Variants in PVT1 observed in about 807,000 individuals in gnomAD.
PVT1 encodes Pvt1 oncogene, also known as CXCR4/PVT1 fusion.
At position 127,809,848 on chromosome 8, in the gene PVT1, C is replaced by T. The variant is rs140763840; in HGVS notation, n.372+13777C>T. 3.3e-3 allele frequency among the ~76,000 whole-genome samples: 500 copies of T among 152,316 alleles called. 1 individual carries two copies. Among genetic ancestry groups the T allele is most frequent in the Middle Eastern group, 0.017 (5 of 294 alleles). The stretch of plus-strand genomic sequence containing the variant: ...TGGGCCAGCAGCAGCATTGGGATCA[C>T]GTCAGCCAATCTTCGCACTTAGAGA... On this transcript the variant is annotated intron_variant and non_coding_transcript_variant, in intron 2 of 10. Coordinates refer to ENST00000651587, the Ensembl canonical transcript of PVT1.
chr8:128,062,171 G>A (rs1813839397), intron 4 of PVT1, among the ~76,000 whole-genome samples: 1 of 152,218 alleles, frequency 6.6e-6, no homozygotes, highest in African/African-American at 2.4e-5. Context: ...GGGGGCACTT[G>A]GAGGGCTGCC....
chr8:127,891,325 T>C (rs1178256448), intron 3 of PVT1, among the ~76,000 whole-genome samples: 2 of 152,186 alleles, frequency 1.3e-5, no homozygotes, highest in African/African-American at 4.8e-5. Context: ...AAAGGGTAAA[T>C]TAAGACAGGA....
intron 2 of PVT1, among the ~76,000 whole-genome samples, chr8:127,839,308 A>G (rs1439371122): frequency 6.6e-6 from 1 of 152,006 alleles, no homozygotes; most frequent in Non-Finnish European, 1.5e-5. Context: ...GCACTTTGGG[A>G]GTCCAAGGGG....
At chr8:128,079,099 T>G (rs1227483155) in intron 5 of PVT1, among the ~76,000 whole-genome samples, 2 of 152,100 alleles carry the variant, frequency 1.3e-5, no homozygotes, top group East Asian at 1.9e-4. Flanking sequence ...CACTTTATTC[T>G]GTAACCTTTT....
chr8:127,957,566 C>CAAAAAA (rs56796489), intron 3 of PVT1, among the ~76,000 whole-genome samples: 47 of 90,992 alleles, frequency 5.2e-4, no homozygotes, highest in Non-Finnish European at 6.7e-4. Flanking sequence ...GACTCCGTCT[C>CAAAAAA]AAAAAAAAAA....
intron 2 of PVT1, among the ~76,000 whole-genome samples, chr8:127,856,475 G>T (rs1345671532): frequency 6.6e-6 from 1 of 151,724 alleles, no homozygotes; most frequent in Non-Finnish European, 1.5e-5. Flanking sequence ...CCAAGTAGCT[G>T]GGATTACAGG....
intron 4 of PVT1, among the ~76,000 whole-genome samples, chr8:128,065,854 A>G (rs977572818): frequency 2.0e-5 from 3 of 152,230 alleles, no homozygotes; most frequent in African/African-American, 4.8e-5. Flanking sequence ...TGCCCTGTGG[A>G]ACCTTTCGTT....
At position 128,038,997 on chromosome 8, in the gene PVT1, G is replaced by A. The variant is rs368650177; in HGVS notation, n.913-31163G>A. Among the ~76,000 whole-genome samples, 35 of 152,304 alleles carry A rather than the reference G, an allele frequency of 2.3e-4. No individual in the cohort carries two copies. The South Asian group carries it at 7.0e-3, about 31-fold the overall frequency. On this transcript the variant is annotated intron_variant and non_coding_transcript_variant, in intron 4 of 10. Coordinates refer to ENST00000651587, the Ensembl canonical transcript of PVT1. ...TGTGCTCAGGTACTGTCTGAGGGAG[G>A]GAAGGGAGGCAGAAGGAAGGGGAGG...
rs1394134359 is a variant in PVT1 at position 127,973,016 on chromosome 8, C to T, written n.783-16146C>T. On this transcript the variant is annotated intron_variant and non_coding_transcript_variant, in intron 3 of 10. Transcript: ENST00000651587. ...AACTACTGGCTTCAAGCAATCCTCC[C>T]GAGTAGCTAGGACTACAGGTTCATG... Among the ~76,000 whole-genome samples, 6 of 152,250 alleles carry T rather than the reference C, an allele frequency of 3.9e-5. No individual in the cohort carries two copies. The East Asian group carries it at 5.8e-4, about 15-fold the overall frequency.
intron 2 of PVT1, among the ~76,000 whole-genome samples, chr8:127,886,918 A>G (rs569215855): frequency 6.6e-6 from 1 of 152,324 alleles, no homozygotes; most frequent in South Asian, 2.1e-4. Context: ...GATACTTGGT[A>G]AGGACTGATT....
At chr8:128,004,067 A>G (rs1817217901) in intron 4 of PVT1, among the ~76,000 whole-genome samples, 1 of 152,174 alleles carries the variant, frequency 6.6e-6, no homozygotes. Flanking sequence ...CTTTCAGATT[A>G]GGACTTCACC....
chr8:127,981,306 G>A (rs979348448), intron 3 of PVT1, among the ~76,000 whole-genome samples: 1 of 152,216 alleles, frequency 6.6e-6, no homozygotes, highest in African/African-American at 2.4e-5. Context: ...TACCCAAAGA[G>A]CTTGGAGAGA....
At chr8:127,883,841 G>T (rs965448285) in intron 2 of PVT1, among the ~76,000 whole-genome samples, 2 of 152,134 alleles carry the variant, frequency 1.3e-5, no homozygotes, top group Non-Finnish European at 2.9e-5. Context: ...CTTCCCCTCA[G>T]TGTCCTCTGG....
intron 4 of PVT1, among the ~76,000 whole-genome samples, chr8:128,030,776 C>G (rs944692693): frequency 6.6e-6 from 1 of 152,188 alleles, no homozygotes; most frequent in Admixed American, 6.5e-5. Flanking sequence ...ATTTCTTGCT[C>G]AAAGCTCATC....
chr8:127,889,001 C>T (rs988990306), intron 2 of PVT1, among the ~76,000 whole-genome samples: 34 of 151,696 alleles, frequency 2.2e-4, no homozygotes, highest in African/African-American at 7.8e-4. Flanking sequence ...TCTGCCAGTC[C>T]GCCTTGTTTC....
At position 127,897,542 on chromosome 8, in the gene PVT1, GAGGAAAGAAAGA is replaced by G. The variant is rs774789439; in HGVS notation, n.782+6562_782+6573del. Among the ~76,000 whole-genome samples, 1,258 of 146,006 alleles carry G rather than the reference GAGGAAAGAAAGA, an allele frequency of 8.6e-3. 15 individuals are homozygous for G. Among genetic ancestry groups the G allele is most frequent in the African/African-American group, 0.03 (1,178 of 39,450 alleles). On this transcript the variant is annotated intron_variant and non_coding_transcript_variant, in intron 3 of 10. Coordinates refer to ENST00000651587, the Ensembl canonical transcript of PVT1. ...AGGAAAGAAAGAGGAAAGAAAGAAAGAGGAAAGAAAGAAGGAAAGAAAGAAGGAAGGAAAGAA... is the reference window on the plus strand; with the variant it reads ...AGGAAAGAAAGAGGAAAGAAAGAAAGAGGAAAGAAAGAAGGAAGGAAAGAA...
At chr8:127,991,314 T>G (rs768917650) in intron 4 of PVT1, among the ~76,000 whole-genome samples, 3 of 152,014 alleles carry the variant, frequency 2.0e-5, no homozygotes, top group Non-Finnish European at 4.4e-5. Context: ...GGCTACTTTT[T>G]TTTGTATTTT....
intron 4 of PVT1, among the ~76,000 whole-genome samples, chr8:128,023,911 C>T (rs1817465535): frequency 6.6e-6 from 1 of 152,136 alleles, no homozygotes; most frequent in African/African-American, 2.4e-5. Flanking sequence ...AACAGCGGTC[C>T]CCATATTTTG....
chr8:127,831,232 C>A lies in PVT1; in HGVS notation n.372+35161C>A, dbSNP rs10282920. 7.1e-3 allele frequency among the ~76,000 whole-genome samples: 1,073 copies of A among 150,974 alleles called. 9 individuals carry two copies. The highest frequency in any genetic ancestry group is 0.024 in the African/African-American group (1,000 of 41,006). On this transcript the variant is annotated intron_variant and non_coding_transcript_variant, in intron 2 of 10. Coordinates refer to ENST00000651587, the Ensembl canonical transcript of PVT1. Reference sequence around the variant, plus strand: ...AATACAGAGGCTGAGGCAGGAGGGCCGTTTGAGGTCAGGAGTTCAAGACCA... The same window carrying A: ...AATACAGAGGCTGAGGCAGGAGGGCAGTTTGAGGTCAGGAGTTCAAGACCA...
Sources: allele counts gnomAD v4.1 joint callset (sites outside exome capture counted in the v4.1 genomes callset), GRCh38; gene constraint gnomAD v4.1.1; transcripts MANE v1.5; gene names NCBI Gene and HGNC (gene_info 2026-07-23, HGNC 2026-07-21).